The following NRG1 variants were observed in gnomAD, a reference collection of about 807,000 sequenced individuals.
NRG1 encodes the protein neuregulin 1, also known as pro-neuregulin-1, membrane-bound isoform.
A neutral mutation model predicts 63.8 loss-of-function variants in NRG1; 18 were observed. The ratio of observed to expected loss-of-function variants is 0.28; its 90% CI spans 0.19 to 0.42. The LOEUF is 0.42. NRG1 is among the 10% of genes least tolerant of loss of function. NRG1 has a pLI of 1.00. For synonymous variants in NRG1, 302 were observed against 301.3 expected, an observed-to-expected ratio of 1.00 and a Z score of -0.02; for missense variants, 762 against 814.7, an observed-to-expected ratio of 0.94 and a Z score of 0.79.
chr8:32,665,873 T>A (rs1477302314), intron 5 of NRG1, among the ~76,000 whole-genome samples: 1 of 152,228 alleles, frequency 6.6e-6, no homozygotes, highest in Non-Finnish European at 1.5e-5. Flanking sequence ...GTGAAAATAC[T>A]TCTAGTGATT....
At chr8:31,724,026 T>A (rs1177541069) in intron 1 of NRG1, among the ~76,000 whole-genome samples, 1 of 152,100 alleles carries the variant, frequency 6.6e-6, no homozygotes, top group Non-Finnish European at 1.5e-5. Flanking sequence ...AGTAGAGCTT[T>A]TTCTTCTCCT....
intron 1 of NRG1, among the ~76,000 whole-genome samples, chr8:32,221,581 T>C (rs1442482174): frequency 3.3e-5 from 5 of 152,234 alleles, no homozygotes; most frequent in Non-Finnish European, 4.4e-5. Context: ...TGTTGTCATA[T>C]TATCTCTAGG....
At position 32,273,602 on chromosome 8, in the gene NRG1, A is replaced by G. The variant is rs527574912; in HGVS notation, c.38-322226A>G. On this transcript the variant is annotated intron_variant, in intron 1 of 10. Coordinates refer to the NRG1 transcript ENST00000519301. Reference sequence around the variant, plus strand: ...TAAAGCACCATTTGAGAAATTCAAGAATCAGGTGGTACCGTTGAGTCACTG... The same window carrying G: ...TAAAGCACCATTTGAGAAATTCAAGGATCAGGTGGTACCGTTGAGTCACTG... 2.8e-4 allele frequency among the ~76,000 whole-genome samples: 43 copies of G among 152,326 alleles called. 1 individual carries two copies. In the South Asian group the frequency reaches 6.0e-3, roughly 21 times the overall value.
At chr8:32,020,602 C>T (rs990377546) in intron 1 of NRG1, among the ~76,000 whole-genome samples, 1 of 152,088 alleles carries the variant, frequency 6.6e-6, no homozygotes, top group Non-Finnish European at 1.5e-5. Flanking sequence ...TCTAGTGAAA[C>T]CATAGTTTGT....
chr8:31,925,754 G>A (rs1024962550), intron 1 of NRG1, among the ~76,000 whole-genome samples: 3 of 151,776 alleles, frequency 2.0e-5, no homozygotes, highest in African/African-American at 7.3e-5. Flanking sequence ...CCGTCCACTA[G>A]GTTTTAAATT....
chr8:31,745,553 C>T (rs1300117544), intron 1 of NRG1, among the ~76,000 whole-genome samples: 1 of 151,870 alleles, frequency 6.6e-6, no homozygotes, highest in East Asian at 1.9e-4. Context: ...CTACTTTATC[C>T]ACCCCTGAAA....
chr8:32,723,495 CATGGTGAA>C (rs1821179814), intron 5 of NRG1, among the ~76,000 whole-genome samples: 1 of 151,422 alleles, frequency 6.6e-6, no homozygotes, highest in Non-Finnish European at 1.5e-5. Context: ...TCCTGGCCAA[CATGGTGAA>C]ACCCCCTCTC....
At chr8:32,030,009 C>T (rs1183766461) in intron 1 of NRG1, among the ~76,000 whole-genome samples, 2 of 152,010 alleles carry the variant, frequency 1.3e-5, no homozygotes, top group African/African-American at 4.8e-5. Context: ...AACTATTAAA[C>T]TATTTGCCTA....
At chr8:31,723,466 C>T (rs533155795) in intron 1 of NRG1, among the ~76,000 whole-genome samples, 5 of 152,118 alleles carry the variant, frequency 3.3e-5, no homozygotes, top group Admixed American at 6.6e-5. Flanking sequence ...TCCTTCTTTT[C>T]GAGATGGAGT....
chr8:32,491,522 G>A (rs138600559), intron 1 of NRG1, among the ~76,000 whole-genome samples: 1 of 152,274 alleles, frequency 6.6e-6, no homozygotes, highest in Non-Finnish European at 1.5e-5. Flanking sequence ...CTGTGCAAAC[G>A]AAGTAGAAGC....
chr8:32,678,025 C>G (rs1199050874), intron 5 of NRG1, among the ~76,000 whole-genome samples: 1 of 152,178 alleles, frequency 6.6e-6, no homozygotes, highest in African/African-American at 2.4e-5. Flanking sequence ...CCTCTAAACT[C>G]ATTGGTTTTT....
chr8:32,733,349 A>G (rs1824218938), intron 6 of NRG1, among the ~76,000 whole-genome samples: 1 of 152,198 alleles, frequency 6.6e-6, no homozygotes, highest in African/African-American at 2.4e-5. Flanking sequence ...GGGCCTTATT[A>G]TATTATACAT....
chr8:32,637,067 C>A (rs1851475240), intron 5 of NRG1, among the ~76,000 whole-genome samples: 1 of 151,898 alleles, frequency 6.6e-6, no homozygotes, highest in African/African-American at 2.4e-5. Flanking sequence ...CCCAGAAACA[C>A]CATGAAAAAT....
At chr8:32,334,367 G>C (rs1201472324) in intron 1 of NRG1, among the ~76,000 whole-genome samples, 2 of 152,176 alleles carry the variant, frequency 1.3e-5, no homozygotes, top group South Asian at 4.1e-4. Flanking sequence ...ACACTTTCCA[G>C]AGGCCACTTC....
At chr8:32,383,152 G>T (rs747642275) in intron 1 of NRG1, among the ~76,000 whole-genome samples, 2 of 152,116 alleles carry the variant, frequency 1.3e-5, no homozygotes, top group Non-Finnish European at 2.9e-5. Flanking sequence ...CTTGAGCCCA[G>T]GATTGGAGGC....
intron 7 of NRG1, chr8:32,748,846 G>C (rs1170277894): frequency 1.2e-5 from 4 of 333,044 alleles, no homozygotes; most frequent in Admixed American, 4.1e-5. Flanking sequence ...AGAAAAACTA[G>C]AAGGAGTCTC....
intron 1 of NRG1, among the ~76,000 whole-genome samples, chr8:31,739,595 A>G (rs1815059202): frequency 6.6e-6 from 1 of 152,004 alleles, no homozygotes; most frequent in Non-Finnish European, 1.5e-5. Context: ...ATTGTTGTGG[A>G]GATTGTACAA....
chr8:32,535,689 T>C (rs779128163), intron 1 of NRG1, among the ~76,000 whole-genome samples: 3 of 152,232 alleles, frequency 2.0e-5, no homozygotes, highest in Non-Finnish European at 4.4e-5. Context: ...GATCATCTGC[T>C]CTTTGTGAAT....
At chr8:32,259,958 T>C (rs1427465399) in intron 1 of NRG1, among the ~76,000 whole-genome samples, 1 of 152,194 alleles carries the variant, frequency 6.6e-6, no homozygotes, top group Non-Finnish European at 1.5e-5. Context: ...TTCTGGGACT[T>C]GGCTGTCAAC....
Sources: allele counts gnomAD v4.1 joint callset (sites outside exome capture counted in the v4.1 genomes callset), GRCh38; gene constraint gnomAD v4.1.1; transcripts MANE v1.5; gene names NCBI Gene and HGNC (gene_info 2026-07-23, HGNC 2026-07-21).